Variants in HIP1 observed in about 807,000 individuals in gnomAD.
HIP1 encodes the protein huntingtin-interacting protein 1.
In HIP1, 65 loss-of-function variants were observed where a neutral mutation model predicts 147.6. The ratio of observed to expected loss-of-function variants is 0.44; its 90% CI spans 0.36 to 0.54. HIP1 has a LOEUF of 0.54. HIP1 is among the 20% of genes least tolerant of loss of function. HIP1 has a pLI of 0.00. For synonymous variants in HIP1, 479 were observed against 504.0 expected (o/e 0.95, Z 0.67); for missense variants, 1,061 against 1,299.6 (o/e 0.82, Z 2.82).
chr7:75,539,502 T>C (rs1794221232), intron 29 of HIP1, 71 bp from the exon 30 acceptor site: 8 of 1,262,650 alleles, frequency 6.3e-6, no homozygotes, highest in Admixed American at 5.4e-5. Flanking sequence ...TATTTTTTTA[T>C]AGAGATGGGG....
At chr7:75,550,487 C>A (rs1554491905) in intron 22 of HIP1, among the ~76,000 whole-genome samples, 1 of 152,142 alleles carries the variant, frequency 6.6e-6, no homozygotes, top group Non-Finnish European at 1.5e-5. Context: ...TCATAGCTCA[C>A]TGCAGCCTCC....
intron 1 of HIP1, among the ~76,000 whole-genome samples, chr7:75,648,152 G>C (rs782204353): frequency 6.6e-6 from 1 of 152,198 alleles, no homozygotes; most frequent in Admixed American, 6.5e-5. Context: ...GGGTAGCTGG[G>C]GCTGGTTGGA....
chr7:75,641,414 TGC>T (rs1798650389), intron 1 of HIP1, among the ~76,000 whole-genome samples: 1 of 152,000 alleles, frequency 6.6e-6, no homozygotes, highest in African/African-American at 2.4e-5. Context: ...TGAGCCACCA[TGC>T]TCAGTCTTCC....
At chr7:75,641,544 T>G (rs1208517332) in intron 1 of HIP1, among the ~76,000 whole-genome samples, 1 of 151,600 alleles carries the variant, frequency 6.6e-6, no homozygotes, top group Non-Finnish European at 1.5e-5. Flanking sequence ...CAGGCTGGAG[T>G]GCAATGGTGC....
chr7:75,685,490 C>T (rs544517285), intron 1 of HIP1, among the ~76,000 whole-genome samples: 5 of 152,184 alleles, frequency 3.3e-5, no homozygotes, highest in East Asian at 1.9e-4. Flanking sequence ...CACTGGGTTG[C>T]GGTTTCCTTC....
chr7:75,727,571 C>T (rs781794771), intron 1 of HIP1, among the ~76,000 whole-genome samples: 4 of 152,022 alleles, frequency 2.6e-5, no homozygotes, highest in Non-Finnish European at 5.9e-5. Context: ...TAAGGCTGGG[C>T]GCAGTGGCTC....
rs587699140 is a variant in HIP1, at chr7:75,546,919, G to A, written c.2559+20C>T. 6.5e-7 allele frequency: 1 copy of A among 1,534,298 alleles called. No homozygotes were observed. The highest frequency in any genetic ancestry group is 2.4e-5 in the East Asian group (1 of 41,528). On this transcript the variant is annotated intron_variant, in intron 25 of 30. Transcript: ENST00000336926. ...CACCAATGCCTCCTCTTCCTGCCCA[G>A]GGCCCACACCCACGCTCACCCTGCC...
chr7:75,552,518 TAA>T (rs11401621), intron 22 of HIP1, among the ~76,000 whole-genome samples: 1 of 150,430 alleles, frequency 6.6e-6, no homozygotes, highest in African/African-American at 2.4e-5. Context: ...CCTGTCTAAT[TAA>T]AAAAAAAATT....
intron 2 of HIP1, among the ~76,000 whole-genome samples, chr7:75,596,029 CTAGGAGT>C (rs1238188716): frequency 6.6e-6 from 1 of 152,044 alleles, no homozygotes; most frequent in Admixed American, 6.6e-5. Flanking sequence ...TTGAGCCTAG[CTAGGAGT>C]TCAAGACCAG....
rs200918019 is a variant in HIP1, at chr7:75,554,511, G to A, written c.1979C>T (p.Thr660Met). 316 of 1,613,404 alleles carry A rather than the reference G, an allele frequency of 2.0e-4. 2 individuals carry two copies. In the Middle Eastern group the frequency reaches 2.0e-3, roughly 10 times the overall value. Reference protein sequence around the residue: ...CAGSADHLLSTVTSISSCIEQ... With the variant: ...CAGSADHLLSMVTSISSCIEQ... ...GATGCAGCTGGAAATGGATGTGACC[G>A]TGGAGAGGAGGTGATCTGTGAGAGG... is the stretch of plus-strand genomic sequence containing the variant. The change falls in exon 20 of 31, where the codon ACG becomes ATG. Residue 660 changes from threonine (T) to methionine (M), a missense_variant. Thr to Met is a moderately conservative substitution (Grantham distance 81). This residue lies in a region of HIP1 where 810 missense variants were observed against 946.8 expected (regional missense o/e 0.86). Transcript: ENST00000336926.
At chr7:75,710,971 T>C (rs1437793086) in intron 1 of HIP1, among the ~76,000 whole-genome samples, 1 of 152,198 alleles carries the variant, frequency 6.6e-6, no homozygotes, top group Non-Finnish European at 1.5e-5. Context: ...CCTTTTAAAT[T>C]ACTCATCTTT....
chr7:75,695,066 T>A (rs1800592274), intron 1 of HIP1, among the ~76,000 whole-genome samples: 1 of 152,218 alleles, frequency 6.6e-6, no homozygotes, highest in Non-Finnish European at 1.5e-5. Flanking sequence ...CTTATTTTAG[T>A]GCTTTTGTTC....
At chr7:75,654,254 G>A (rs1438348542) in intron 1 of HIP1, among the ~76,000 whole-genome samples, 1 of 152,076 alleles carries the variant, frequency 6.6e-6, no homozygotes, top group Non-Finnish European at 1.5e-5. Context: ...AATTAGCTGG[G>A]CATGGTGGCG....
At chr7:75,631,458 GC>G (rs1554508891) in intron 1 of HIP1, among the ~76,000 whole-genome samples, 1 of 152,136 alleles carries the variant, frequency 6.6e-6, no homozygotes, top group East Asian at 1.9e-4. Context: ...ATCTGGAGCA[GC>G]CTCAGGATGC....
chr7:75,729,423 G>A (rs1264375025), intron 1 of HIP1, among the ~76,000 whole-genome samples: 1 of 151,584 alleles, frequency 6.6e-6, no homozygotes, highest in East Asian at 1.9e-4. Context: ...GGAATTCGAG[G>A]CTGCAGTGAG....
rs571977802 is a variant in HIP1 at position 75,667,145 on chromosome 7, A to G, written c.121-67898T>C. Among the ~76,000 whole-genome samples the G allele has an allele frequency of 2.6e-5, 4 of 152,292 alleles. No individual in the cohort carries two copies. The South Asian group carries it at 8.3e-4, about 32-fold the overall frequency. Reference sequence around the variant, plus strand: ...CATTAACATAATTAACAGGAAAAAAATGTTATTTAAAATAGCCACTGGGAT... The same window carrying G: ...CATTAACATAATTAACAGGAAAAAAGTGTTATTTAAAATAGCCACTGGGAT... On this transcript the variant is annotated intron_variant, in intron 1 of 30. Transcript: ENST00000336926.
intron 1 of HIP1, among the ~76,000 whole-genome samples, chr7:75,688,472 GA>G (rs1372583758): frequency 6.6e-6 from 1 of 152,104 alleles, no homozygotes; most frequent in Non-Finnish European, 1.5e-5. Flanking sequence ...ACGGGTGGGG[GA>G]CGGGCAGGCA....
intron 1 of HIP1, among the ~76,000 whole-genome samples, chr7:75,688,761 T>G (rs1004313658): frequency 6.6e-5 from 10 of 152,076 alleles, no homozygotes; most frequent in Non-Finnish European, 1.2e-4. Context: ...CAGCTTCAAA[T>G]TCCAGAGCCT....
rs797035517 is a variant in HIP1, at chr7:75,592,261, G to C, written c.327+111C>G. 6.2e-6 allele frequency: 9 copies of C among 1,442,352 alleles called. No individual in the cohort carries two copies. The African/African-American group carries it at 1.3e-4, about 20-fold the overall frequency. The allele number at this position is 1,442,352 out of a possible 1,614,324, so 89.3% of individuals were successfully genotyped here. On this transcript the variant is annotated intron_variant, in intron 3 of 30. Coordinates refer to ENST00000336926, the MANE Select transcript of HIP1 (RefSeq NM_005338.7). ...CCCAACTCTAATGGGGAACCCAAAGGCCAGGAGAAGGGGGCAGTGTGGGAG... is the reference window on the plus strand; with the variant it reads ...CCCAACTCTAATGGGGAACCCAAAGCCCAGGAGAAGGGGGCAGTGTGGGAG...
Sources: gnomAD v4.1 joint callset for allele counts (sites outside exome capture counted in the v4.1 genomes callset) on GRCh38, gnomAD v4.1.1 for gene constraint, gnomAD v4.1.1 regional missense constraint, MANE v1.5 for transcripts, NCBI Gene and HGNC (gene_info 2026-07-23, HGNC 2026-07-21) for gene names.